The following RRBP1 variants were observed in gnomAD, a reference collection of about 807,000 sequenced individuals.
RRBP1 encodes the protein ribosome binding protein 1.
RRBP1 carries 94 observed loss-of-function variants against 165.2 expected under a neutral mutation model. The ratio of observed to expected loss-of-function variants is 0.57; its 90% CI spans 0.48 to 0.68. The LOEUF is 0.68. Ranked by LOEUF, RRBP1 falls within the 30% of genes least tolerant of loss-of-function variation. The probability of loss-of-function intolerance (pLI) is 0.00; values close to 1 mark genes in which losing one functional copy is unlikely to be tolerated. For missense variants in RRBP1, 1,676 were observed against 1,763.0 expected, an observed-to-expected ratio of 0.95 and a Z score of 0.88; for synonymous variants, 680 against 714.5, an observed-to-expected ratio of 0.95 and a Z score of 0.77.
At chr20:17,678,942 C>T (rs997281600) in intron 2 of RRBP1, among the ~76,000 whole-genome samples, 3 of 152,190 alleles carry the variant, frequency 2.0e-5, no homozygotes, top group African/African-American at 4.8e-5. Context: ...AATGCCTCCC[C>T]ACCTTCCTGC....
In RRBP1 at chr20:17,619,716, T is replaced by A. The variant is rs374694469; in HGVS notation, c.3592A>T (p.Thr1198Ser). Reference sequence around the variant, plus strand: ...TCCAGCTCTGCCTCCAAATGCGACGTGTGCTCCCTCACCTGGACAGATGCA... The same window carrying A: ...TCCAGCTCTGCCTCCAAATGCGACGAGTGCTCCCTCACCTGGACAGATGCA... ...LESSDQVREH[T>S]SHLEAELEKH... Residue 1198 changes from threonine to serine, a missense_variant, in exon 19 of 25, where the codon ACG becomes TCG. Physicochemically the swap from Thr to Ser is moderately conservative, Grantham distance 58 (BLOSUM62 1). Coordinates refer to ENST00000377813, the MANE Select transcript of RRBP1 (RefSeq NM_001365613.2). 3.1e-6 allele frequency: 5 copies of A among 1,611,952 alleles called. No homozygotes were observed. The African/African-American group carries it at 6.7e-5, about 21-fold the overall frequency.
rs6136155 is a variant in RRBP1 at position 17,633,079 on chromosome 20, C to T, written c.2610+381G>A. Among the ~76,000 whole-genome samples, 1,113 of 152,334 alleles carry T rather than the reference C, an allele frequency of 7.3e-3. 20 individuals are homozygous for T. The highest frequency in any genetic ancestry group is 0.052 in the East Asian group (267 of 5,170). On this transcript the variant is annotated intron_variant, in intron 8 of 24. Transcript: ENST00000377813. Reference sequence around the variant, plus strand: ...AGCGAGACTTGGGGTTCAAATTCTGCTTCTGCCATGTCCTGGCTGGGTGAA... The same window carrying T: ...AGCGAGACTTGGGGTTCAAATTCTGTTTCTGCCATGTCCTGGCTGGGTGAA...
Position 17,616,856 on chromosome 20 carries a change from T to C in RRBP1, c.3760-17A>G. ...CTGCCTGACCTGGAACAGGAAGGGG[T>C]GTGTTTGCAAATGCACAGCCAGTCG... is the stretch of plus-strand genomic sequence containing the variant. On this transcript the variant is annotated splice_polypyrimidine_tract_variant and intron_variant, in intron 20 of 24. Transcript: ENST00000377813. 1.3e-6 allele frequency: 2 copies of C among 1,593,984 alleles called. No homozygotes were observed. Among genetic ancestry groups the C allele is most frequent in the Non-Finnish European group, 1.7e-6 (2 of 1,162,712 alleles).
intron 2 of RRBP1, among the ~76,000 whole-genome samples, chr20:17,665,402 C>T: frequency 6.6e-6 from 1 of 152,164 alleles, no homozygotes. Context: ...GACAAAGTCT[C>T]TCTCTGTTGC....
chr20:17,619,441 A>T, intron 19 of RRBP1, 192 bp downstream of exon 19: 1 of 468,444 alleles, frequency 2.1e-6, no homozygotes, highest in Non-Finnish European at 3.8e-6. Flanking sequence ...GCCTTTTTGA[A>T]ACCTGCCCTG....
chr20:17,661,431 G>C (rs761479746), intron 2 of RRBP1, among the ~76,000 whole-genome samples: 2 of 152,140 alleles, frequency 1.3e-5, no homozygotes, highest in East Asian at 3.8e-4. Flanking sequence ...GTGTCAGCAG[G>C]CCCCTCTGTC....
chr20:17,626,090 AT>A (rs1016075746), intron 11 of RRBP1, among the ~76,000 whole-genome samples: 3 of 152,232 alleles, frequency 2.0e-5, no homozygotes, highest in African/African-American at 7.2e-5. Flanking sequence ...CTGGGGCTGA[AT>A]CGCTCCTCTC....
intron 2 of RRBP1, among the ~76,000 whole-genome samples, chr20:17,665,910 C>T (rs1161790566): frequency 6.6e-6 from 1 of 152,100 alleles, no homozygotes; most frequent in African/African-American, 2.4e-5. Flanking sequence ...AAAACTTTCC[C>T]CATCAGTTTA....
In RRBP1 at chr20:17,629,858, G is replaced by T; in HGVS notation, c.2714C>A (p.Ala905Asp). The T allele has an allele frequency of 6.3e-7, 1 of 1,599,684 alleles. No individual in the cohort carries two copies. Among genetic ancestry groups the T allele is most frequent in the Non-Finnish European group, 8.5e-7 (1 of 1,179,442 alleles). The change falls in exon 9 of 25, where the codon GCC (alanine) becomes GAC (aspartate). Residue 905 changes from alanine to aspartate, a missense_variant. Coordinates refer to ENST00000377813, the MANE Select transcript of RRBP1 (RefSeq NM_001365613.2). ...CTGCTGTTGCTCCTGGGCCTTCTCG[G>T]CATCCGCCCGGAGGCTGGCGTGGCT... ...QSSHASLRAD[A>D]EKAQEQQQQM...
At chr20:17,628,327 C>T (rs1374247182) in intron 9 of RRBP1, among the ~76,000 whole-genome samples, 1 of 152,196 alleles carries the variant, frequency 6.6e-6, no homozygotes, top group Non-Finnish European at 1.5e-5. Flanking sequence ...CCTCCCAGGA[C>T]TCCTCATCTT....
rs773607835 is a variant in RRBP1, at chr20:17,621,477, C to T, written c.3395G>A (p.Arg1132His). The T allele has an allele frequency of 2.0e-5, 32 of 1,612,152 alleles. No homozygotes were observed. The highest frequency in any genetic ancestry group is 6.7e-5 in the East Asian group (3 of 44,886). Residue 1132 changes from arginine to histidine, a missense_variant, in exon 16 of 25, where the codon CGC becomes CAC. By Grantham distance (29) the Arg-to-His change is conservative. Around this residue, in one of 5 missense-constraint regions of RRBP1, gnomAD observed 1,184 missense variants for 1,167.1 expected, o/e 1.01. Transcript: ENST00000377813. ...STLQAECDQY[R>H]SILAETEGML... ...GCTCACCGTCTCCGCCAGGATGCTG[C>T]GGTACTGGTCACACTCGGCCTGCAG...
intron 13 of RRBP1, 92 bp from the exon 14 acceptor site, chr20:17,622,039 C>T: frequency 1.1e-6 from 1 of 925,438 alleles, no homozygotes. Context: ...GGGTCTCTGC[C>T]CCAGAAAGGG....
chr20:17,624,316 C>CT (rs1189394365), intron 13 of RRBP1, among the ~76,000 whole-genome samples: 1 of 152,198 alleles, frequency 6.6e-6, no homozygotes, highest in Non-Finnish European at 1.5e-5. Context: ...ACCTGTGCGT[C>CT]TGTGTGTCCT....
chr20:17,644,500 T>C (rs553393933), intron 3 of RRBP1, among the ~76,000 whole-genome samples: 6 of 152,368 alleles, frequency 3.9e-5, no homozygotes, highest in African/African-American at 4.8e-5. Context: ...AGCCTTCCTG[T>C]CTTCCCCCTC....
chr20:17,633,651 A>G (rs2036195374), intron 7 of RRBP1, 38 bp from the exon 8 acceptor site: 5 of 1,606,138 alleles, frequency 3.1e-6, no homozygotes, highest in Non-Finnish European at 4.3e-6. Flanking sequence ...TGGAAAGAAA[A>G]GGGTGATGGG....
At chr20:17,678,686 T>C (rs1408831500) in intron 2 of RRBP1, among the ~76,000 whole-genome samples, 5 of 152,236 alleles carry the variant, frequency 3.3e-5, no homozygotes, top group Non-Finnish European at 7.3e-5. Context: ...GACCAACTTA[T>C]GACTACTGAG....
chr20:17,641,068 C>T lies in RRBP1; in HGVS notation c.2184+729G>A, dbSNP rs572039630. Among the ~76,000 whole-genome samples the T allele has an allele frequency of 1.6e-3, 251 of 152,310 alleles. 1 individual carries two copies. Among genetic ancestry groups the T allele is most frequent in the African/African-American group, 5.8e-3 (240 of 41,578 alleles). ...ACCAGTCCCAGAGGGCCAGGGGGCC[C>T]CTCACCCTGCCCTTCCTCCAGGAAG... On this transcript the variant is annotated intron_variant, in intron 5 of 24. Transcript: ENST00000377813.
At chr20:17,664,674 G>C (rs1207339403) in intron 2 of RRBP1, among the ~76,000 whole-genome samples, 1 of 152,238 alleles carries the variant, frequency 6.6e-6, no homozygotes, top group Admixed American at 6.5e-5. Flanking sequence ...GGCCAAGCCA[G>C]TTGGGTCCAA....
chr20:17,674,446 A>C (rs1387684007), intron 2 of RRBP1, among the ~76,000 whole-genome samples: 1 of 152,050 alleles, frequency 6.6e-6, no homozygotes, highest in Non-Finnish European at 1.5e-5. Flanking sequence ...TGACCAAGAG[A>C]AAACAAAATG....
Sources: gnomAD v4.1 joint callset for allele counts (sites outside exome capture counted in the v4.1 genomes callset) on GRCh38, gnomAD v4.1.1 for gene constraint, gnomAD v4.1.1 regional missense constraint, MANE v1.5 for transcripts, NCBI Gene and HGNC (gene_info 2026-07-23, HGNC 2026-07-21) for gene names.